Variants in CHAT observed in about 807,000 individuals in gnomAD.
CHAT encodes choline O-acetyltransferase.
Under a neutral mutation model 76.9 loss-of-function variants are expected in CHAT, and 61 were observed. The ratio of observed to expected loss-of-function variants is 0.79; its 90% CI spans 0.65 to 0.98. The LOEUF is 0.98. Ranked by LOEUF, CHAT falls within the 50% of genes least tolerant of loss-of-function variation. The pLI, the probability that CHAT is intolerant of heterozygous loss-of-function variation, is 0.00. For synonymous variants in CHAT, 407 were observed against 397.4 expected, an observed-to-expected ratio of 1.02 and a Z score of -0.29; for missense variants, 946 against 986.9, an observed-to-expected ratio of 0.96 and a Z score of 0.56.
chr10:49,632,863 C>G (rs906541073), intron 7 of CHAT, among the ~76,000 whole-genome samples: 3 of 152,190 alleles, frequency 2.0e-5, no homozygotes, highest in Admixed American at 2.0e-4. Flanking sequence ...GTGGCACAGC[C>G]CACGCGCAGG....
chr10:49,630,448 G>A (rs548670994), intron 7 of CHAT, among the ~76,000 whole-genome samples: 27 of 152,318 alleles, frequency 1.8e-4, no homozygotes, highest in African/African-American at 6.5e-4. Flanking sequence ...GGCTTACTGA[G>A]GGTCAGACTG....
rs1473934667 is a variant in CHAT, at chr10:49,625,603, A to G, written c.883A>G (p.Ser295Gly). The part of the protein sequence containing the change: ...HTQDTLVAQN[S>G]SIMPEPEHVI... ...CCAGGACACGCTGGTGGCTCAGAACAGCAGCATCATGCCGGAGCCTGAGCA... is the reference window on the plus strand; with the variant it reads ...CCAGGACACGCTGGTGGCTCAGAACGGCAGCATCATGCCGGAGCCTGAGCA... Residue 295 changes from serine to glycine, a missense_variant, in exon 6 of 15, where the codon AGC (serine) becomes GGC (glycine). Physicochemically the swap from Ser to Gly is moderately conservative, Grantham distance 56. This residue lies in a region of CHAT where 548 missense variants were observed against 516.2 expected (regional missense o/e 1.06). Transcript: ENST00000337653. 1.9e-6 allele frequency: 3 copies of G among 1,604,050 alleles called. No individual in the cohort carries two copies. Among genetic ancestry groups the G allele is most frequent in the Admixed American group, 1.7e-5 (1 of 58,522 alleles).
intron 13 of CHAT, among the ~76,000 whole-genome samples, chr10:49,656,299 T>A (rs1840033443): frequency 6.7e-6 from 1 of 150,172 alleles, no homozygotes; most frequent in Non-Finnish European, 1.5e-5. Context: ...TTTTTTTTTT[T>A]TTTTTTTTTT....
chr10:49,624,102 C>T (rs1405141767), intron 5 of CHAT, among the ~76,000 whole-genome samples: 1 of 152,242 alleles, frequency 6.6e-6, no homozygotes, highest in African/African-American at 2.4e-5. Flanking sequence ...CCCACAGGAC[C>T]TGGCCTGCCC....
chr10:49,620,032 G>C, intron 3 of CHAT, 116 bp downstream of exon 3: 55 of 1,015,160 alleles, frequency 5.4e-5, no homozygotes, highest in Non-Finnish European at 7.0e-5. Flanking sequence ...AGAGATGAGG[G>C]ACAGGGATGG....
intron 11 of CHAT, 145 bp downstream of exon 11, chr10:49,652,151 G>T (rs1023648132): frequency 8.9e-6 from 10 of 1,118,236 alleles, no homozygotes; most frequent in South Asian, 1.4e-5. Flanking sequence ...CATGAAGGAG[G>T]AGCAGACTGA....
At chr10:49,647,035 G>A in intron 8 of CHAT, 1 of 352,934 alleles carries the variant, frequency 2.8e-6, no homozygotes, top group East Asian at 6.1e-5. Flanking sequence ...GAGTAGGAGA[G>A]TATAACAGCC....
intron 7 of CHAT, chr10:49,637,548 C>T (rs191256949): frequency 6.6e-5 from 10 of 152,318 alleles, no homozygotes; most frequent in Non-Finnish European, 1.0e-4. Flanking sequence ...GGCAGTCCCC[C>T]CCTTGTTCTC....
At chr10:49,658,122 C>T (rs1426093866) in intron 13 of CHAT, among the ~76,000 whole-genome samples, 1 of 152,248 alleles carries the variant, frequency 6.6e-6, no homozygotes, top group Non-Finnish European at 1.5e-5. Flanking sequence ...TGGCTTATGC[C>T]TGTAATCCCA....
rs1164284541 is a variant in CHAT, at chr10:49,616,523, C to T, written c.308C>T (p.Ala103Val). The change falls in exon 2 of 15, where the codon GCA (alanine) becomes GTA (valine). Residue 103 changes from alanine to valine, a missense_variant. Coordinates refer to ENST00000337653, the MANE Select transcript of CHAT (RefSeq NM_020549.5). The part of the protein sequence containing the change: ...RRAGPHLCIP[A>V]PGLTKTPILE... Reference sequence around the variant, plus strand: ...CCAGGTCCACACCTCTGCATCCCTGCACCAGGACTCACCAAGACGCCCATC... The same window carrying T: ...CCAGGTCCACACCTCTGCATCCCTGTACCAGGACTCACCAAGACGCCCATC... The T allele has an allele frequency of 6.2e-7, 1 of 1,612,822 alleles. No individual in the cohort carries two copies. Among genetic ancestry groups the T allele is most frequent in the Non-Finnish European group, 8.5e-7 (1 of 1,179,354 alleles).
chr10:49,649,619 G>A lies in CHAT; in HGVS notation c.1494G>A (p.Ser498=), dbSNP rs139722660. ...SPEIQGHLAS[S]AEKLQRIVKN... Reference sequence around the variant, plus strand: ...AAATTCAAGGCCACTTAGCCTCCTCGGCAGAAAAACTTCAACGGTAAGGAT... The same window carrying A: ...AAATTCAAGGCCACTTAGCCTCCTCAGCAGAAAAACTTCAACGGTAAGGAT... The change falls in exon 10 of 15, where the codon TCG becomes TCA. Residue 498 remains serine (S), a synonymous_variant. Transcript: ENST00000337653. 177 of 1,613,648 alleles carry A rather than the reference G, an allele frequency of 1.1e-4. No homozygotes were observed. The highest frequency in any genetic ancestry group is 1.3e-4 in the Non-Finnish European group (154 of 1,180,044).
rs1238414238 is a variant in CHAT at position 49,616,491 on chromosome 10, T to G, written c.287-11T>G. On this transcript the variant is annotated splice_polypyrimidine_tract_variant and intron_variant, in intron 1 of 14. Coordinates refer to ENST00000337653, the MANE Select transcript of CHAT (RefSeq NM_020549.5). The stretch of plus-strand genomic sequence containing the variant: ...CTGCTGTGTTGATGCTTCCCACTTC[T>G]TGGTCCCCAGGTCCACACCTCTGCA... The G allele has an allele frequency of 1.2e-6, 2 of 1,604,546 alleles. No individual in the cohort carries two copies. Among genetic ancestry groups the G allele is most frequent in the Non-Finnish European group, 1.7e-6 (2 of 1,173,976 alleles).
At position 49,622,113 on chromosome 10, in the gene CHAT, A is replaced by G. The variant is rs1430813048; in HGVS notation, c.715A>G (p.Ile239Val). 6.2e-7 allele frequency: 1 copy of G among 1,611,110 alleles called. No individual in the cohort carries two copies. Among genetic ancestry groups the G allele is most frequent in the Admixed American group, 1.7e-5 (1 of 59,748 alleles). ...DDQLRFAASL[I>V]SGVLSYKALL... ...TCCCTGCAGGTTTGCAGCCAGCCTC[A>G]TCTCTGGTGTACTCAGCTACAAGGC... is the stretch of plus-strand genomic sequence containing the variant. Residue 239 changes from isoleucine (I) to valine (V), a missense_variant, in exon 5 of 15, where the codon ATC (isoleucine) becomes GTC (valine). Physicochemically the swap from Ile to Val is conservative, Grantham distance 29 (BLOSUM62 3). Coordinates refer to ENST00000337653, the MANE Select transcript of CHAT (RefSeq NM_020549.5).
chr10:49,634,750 C>A (rs1301192515), intron 7 of CHAT, among the ~76,000 whole-genome samples: 1 of 152,070 alleles, frequency 6.6e-6, no homozygotes, highest in Non-Finnish European at 1.5e-5. Flanking sequence ...CTGCCTTTCT[C>A]CCCCACCATC....
At chr10:49,640,252 G>C (rs1012755375) in intron 7 of CHAT, among the ~76,000 whole-genome samples, 1 of 152,080 alleles carries the variant, frequency 6.6e-6, no homozygotes, top group African/African-American at 2.4e-5. Context: ...GCTCAATGCA[G>C]CCTCCGCCTC....
intron 13 of CHAT, among the ~76,000 whole-genome samples, chr10:49,660,309 C>T (rs1033683700): frequency 1.3e-5 from 2 of 151,830 alleles, no homozygotes; most frequent in Non-Finnish European, 2.9e-5. Flanking sequence ...GGTGTGGTGG[C>T]GGGGTGCCCG....
In CHAT at chr10:49,665,240, C is replaced by A; in HGVS notation, c.*194C>A. On this transcript the variant is annotated 3_prime_UTR_variant, in exon 15 of 15. Transcript: ENST00000337653. The stretch of plus-strand genomic sequence containing the variant: ...TCCCCTCTTCATGCATGGGAATCAT[C>A]ATTTTCAAGGTGGCTTTGGGCCTGC... The A allele has an allele frequency of 1.5e-6, 1 of 681,772 alleles. No individual in the cohort carries two copies. Among genetic ancestry groups the A allele is most frequent in the Middle Eastern group, 4.0e-4 (1 of 2,510 alleles). The allele number at this position is 681,772 out of a possible 1,614,324, so 42.2% of individuals were successfully genotyped here.
At chr10:49,625,698 G>A (rs759450437) in intron 6 of CHAT, 45 bp downstream of exon 6, 7 of 1,529,784 alleles carry the variant, frequency 4.6e-6, no homozygotes, top group Non-Finnish European at 4.4e-6. Flanking sequence ...AGAGCATACA[G>A]TGGCCATGCG....
chr10:49,611,784 G>A (rs1404084769), upstream of CHAT: 9 of 1,602,960 alleles, frequency 5.6e-6, no homozygotes, highest in Non-Finnish European at 7.6e-6. Context: ...CCGTGCGCCT[G>A]GCGGCGCGCT....
Sources: allele counts gnomAD v4.1 joint callset (sites outside exome capture counted in the v4.1 genomes callset), GRCh38; gene constraint gnomAD v4.1.1; regional missense constraint gnomAD v4.1.1; transcripts MANE v1.5; gene names NCBI Gene and HGNC (gene_info 2026-07-23, HGNC 2026-07-21).